Variants in PRKG2 observed in about 807,000 individuals in gnomAD.
PRKG2 encodes cGMP-dependent protein kinase 2.
In PRKG2, 33 loss-of-function variants were observed where a neutral mutation model predicts 97.2. The ratio of observed to expected loss-of-function variants is 0.34; its 90% CI spans 0.26 to 0.45. The LOEUF (loss-of-function observed/expected upper bound fraction) is 0.45, where lower values mean the gene tolerates loss of function less well. Ranked by LOEUF, PRKG2 falls within the 20% of genes least tolerant of loss-of-function variation. The pLI, the probability that PRKG2 is intolerant of heterozygous loss-of-function variation, is 1.00. For missense variants in PRKG2, 638 were observed against 900.0 expected, an observed-to-expected ratio of 0.71 and a Z score of 3.73; for synonymous variants, 330 against 321.8, an observed-to-expected ratio of 1.03 and a Z score of -0.27.
intron 14 of PRKG2, among the ~76,000 whole-genome samples, chr4:81,121,869 G>C (rs928121218): frequency 6.6e-6 from 1 of 152,096 alleles, no homozygotes; most frequent in Non-Finnish European, 1.5e-5. Context: ...CCATTATAGG[G>C]CTATCAGTAT....
intron 13 of PRKG2, 108 bp downstream of exon 13, chr4:81,137,285 A>G (rs946162308): frequency 1.4e-5 from 12 of 834,612 alleles, no homozygotes; most frequent in Non-Finnish European, 2.2e-5. Flanking sequence ...TTATTTTATC[A>G]AGGGATATTT....
At chr4:81,096,484 C>T (rs1186037876) in intron 17 of PRKG2, among the ~76,000 whole-genome samples, 1 of 151,996 alleles carries the variant, frequency 6.6e-6, no homozygotes, top group Non-Finnish European at 1.5e-5. Flanking sequence ...TGCAGTAAGC[C>T]CTAATCACAC....
At chr4:81,152,213 A>C (rs142759269) in intron 7 of PRKG2, among the ~76,000 whole-genome samples, 159 bp from the exon 8 acceptor site, 474 of 152,322 alleles carry the variant, frequency 3.1e-3, no homozygotes, top group African/African-American at 0.011. Context: ...AATTACCTAC[A>C]TTCAGCCCAT....
chr4:81,120,812 A>G (rs1745003577), intron 14 of PRKG2, among the ~76,000 whole-genome samples: 1 of 152,186 alleles, frequency 6.6e-6, no homozygotes, highest in Non-Finnish European at 1.5e-5. Flanking sequence ...TGCATTAACT[A>G]GGACTTCCAG....
chr4:81,123,937 T>C (rs1745312793), intron 14 of PRKG2, among the ~76,000 whole-genome samples: 1 of 152,194 alleles, frequency 6.6e-6, no homozygotes, highest in Non-Finnish European at 1.5e-5. Flanking sequence ...GCTACTGTTG[T>C]TCAGTTATTT....
intron 9 of PRKG2, among the ~76,000 whole-genome samples, chr4:81,146,968 C>T (rs895726300): frequency 6.6e-6 from 1 of 152,084 alleles, no homozygotes; most frequent in African/African-American, 2.4e-5. Flanking sequence ...CTCAGTAAAT[C>T]CAAGATGTAA....
At chr4:81,090,433 C>T (rs183003913) in intron 18 of PRKG2, among the ~76,000 whole-genome samples, 90 of 151,960 alleles carry the variant, frequency 5.9e-4, no homozygotes, top group Middle Eastern at 3.4e-3. Flanking sequence ...TCAAAATCTG[C>T]TAGCGTTCTT....
rs992380379 is a variant in PRKG2, at chr4:81,135,195, G to A, written c.1736C>T (p.Pro579Leu). The A allele has an allele frequency of 3.1e-6, 5 of 1,610,358 alleles. No homozygotes were observed. The highest frequency in any genetic ancestry group is 2.5e-6 in the Non-Finnish European group (3 of 1,177,920). ...CTCAGCATCTAGAATTAAGTTTTCT[G>A]GTTTCAAGTCTCTGTAGATAATACC... ...RLGIIYRDLKPENLILDAEGY... is the reference protein window; with the variant it reads ...RLGIIYRDLKLENLILDAEGY... Residue 579 changes from proline (P) to leucine (L), a missense_variant, in exon 14 of 19, where the codon CCA becomes CTA. Transcript: ENST00000264399.
intron 2 of PRKG2, among the ~76,000 whole-genome samples, chr4:81,200,795 T>C (rs926050093): frequency 6.6e-6 from 1 of 152,182 alleles, no homozygotes; most frequent in African/African-American, 2.4e-5. Flanking sequence ...ATCAGAGTAT[T>C]TGACACATTG....
At chr4:81,110,307 A>G in intron 15 of PRKG2, 141 bp downstream of exon 15, 1 of 858,070 alleles carries the variant, frequency 1.2e-6, no homozygotes, top group East Asian at 3.0e-5. Flanking sequence ...ATGTGAAACA[A>G]TGTCATGAGA....
Position 81,135,135 on chromosome 4 carries a change from A to G in PRKG2, c.1776+20T>C. Reference sequence around the variant, plus strand: ...GGGAAATATCTCATATGAGACTGTAAGTGAGAAAAGTTGTCTTACCAATTT... The same window carrying G: ...GGGAAATATCTCATATGAGACTGTAGGTGAGAAAAGTTGTCTTACCAATTT... On this transcript the variant is annotated intron_variant, in intron 14 of 18. Coordinates refer to ENST00000264399, the MANE Select transcript of PRKG2 (RefSeq NM_006259.3). 1 of 1,593,358 alleles carries G rather than the reference A, an allele frequency of 6.3e-7. No individual in the cohort carries two copies. Among genetic ancestry groups the G allele is most frequent in the Non-Finnish European group, 8.6e-7 (1 of 1,168,208 alleles).
chr4:81,117,768 CT>C (rs934822860), intron 14 of PRKG2, among the ~76,000 whole-genome samples: 11 of 151,796 alleles, frequency 7.2e-5, no homozygotes, highest in Non-Finnish European at 1.0e-4. Flanking sequence ...ATATAAATAG[CT>C]TTCCCCATTA....
intron 14 of PRKG2, among the ~76,000 whole-genome samples, chr4:81,124,000 A>T (rs1745316801): frequency 6.6e-6 from 1 of 152,222 alleles, no homozygotes; most frequent in South Asian, 2.1e-4. Flanking sequence ...ACTTTATGCC[A>T]TAATTTTTTA....
chr4:81,117,372 A>T (rs1744650111), intron 14 of PRKG2, among the ~76,000 whole-genome samples: 1 of 151,902 alleles, frequency 6.6e-6, no homozygotes, highest in Non-Finnish European at 1.5e-5. Flanking sequence ...TTTTAATTTT[A>T]TTCATAGTTT....
chr4:81,196,427 A>T (rs944795203), intron 2 of PRKG2, among the ~76,000 whole-genome samples: 6 of 152,224 alleles, frequency 3.9e-5, no homozygotes, highest in Non-Finnish European at 5.9e-5. Flanking sequence ...ATAGAAAACC[A>T]ATATGCTTGC....
At chr4:81,126,839 CAGTT>C (rs1745636518) in intron 14 of PRKG2, among the ~76,000 whole-genome samples, 2 of 151,980 alleles carry the variant, frequency 1.3e-5, no homozygotes, top group African/African-American at 4.8e-5. Context: ...ACTCTGATGA[CAGTT>C]TGTTTTGCTG....
chr4:81,103,268 T>C (rs949952414), intron 17 of PRKG2, among the ~76,000 whole-genome samples: 10 of 152,184 alleles, frequency 6.6e-5, no homozygotes, highest in African/African-American at 2.4e-4. Context: ...CATTAACTCA[T>C]CATTTACATT....
At position 81,142,914 on chromosome 4, in the gene PRKG2, T is replaced by C; in HGVS notation, c.1287A>G (p.Ala429=). 2 of 1,612,424 alleles carry C rather than the reference T, an allele frequency of 1.2e-6. No homozygotes were observed. The highest frequency in any genetic ancestry group is 2.2e-5 in the South Asian group (2 of 90,826). ...RSMSNWKLSK[A]LSLEMIQLKE... ...TCAGCTGAATCATTTCCAGAGAGAG[T>C]GCTTTGGACAGCTTCCAGTTAGACA... The change falls in exon 11 of 19, where the codon GCA becomes GCG. Residue 429 remains alanine (A), a synonymous_variant. Transcript: ENST00000264399.
rs1375025600 is a variant in PRKG2, at chr4:81,088,839, C to T, written c.*869G>A. On this transcript the variant is annotated 3_prime_UTR_variant, in exon 19 of 19. Transcript: ENST00000264399. ...ATTTTCAAAGAGTCAGCAGTCTTAC[C>T]TACTAGAATATATTTTCCTTTCTAT... 6.6e-6 allele frequency: 1 copy of T among 152,122 alleles called. No individual in the cohort carries two copies. The highest frequency in any genetic ancestry group is 1.9e-4 in the East Asian group (1 of 5,198). The allele number at this position is 152,122 out of a possible 1,614,324, so 9.4% of individuals were successfully genotyped here.
Sources: gnomAD v4.1 joint callset for allele counts (sites outside exome capture counted in the v4.1 genomes callset) on GRCh38, gnomAD v4.1.1 for gene constraint, MANE v1.5 for transcripts, NCBI Gene and HGNC (gene_info 2026-07-23, HGNC 2026-07-21) for gene names.